Variants in C10orf90 observed in about 807,000 individuals in gnomAD.
C10orf90 encodes (E2-independent) E3 ubiquitin-conjugating enzyme FATS.
In C10orf90, 56 loss-of-function variants were observed where a neutral mutation model predicts 62.5. The observed-to-expected ratio is 0.90, with a 90% CI of 0.72 to 1.12. The LOEUF is 1.12. Ranked by LOEUF, C10orf90 falls within the 50% of genes most tolerant of loss-of-function variation. The pLI is 0.00. For missense variants in C10orf90, 970 were observed against 880.4 expected, an observed-to-expected ratio of 1.10 and a Z score of -1.29; for synonymous variants, 386 against 340.4, an observed-to-expected ratio of 1.13 and a Z score of -1.47.
At chr10:126,541,559 A>G (rs1252456681) in intron 2 of C10orf90, among the ~76,000 whole-genome samples, 2 of 152,230 alleles carry the variant, frequency 1.3e-5, no homozygotes, top group Non-Finnish European at 1.5e-5. Flanking sequence ...ACATTCCCCA[A>G]AACAGATATG....
intron 2 of C10orf90, among the ~76,000 whole-genome samples, chr10:126,596,701 A>G (rs115047531): frequency 0.018 from 2,794 of 152,330 alleles, 70 homozygotes; most frequent in African/African-American, 0.062. Flanking sequence ...AATTTATTGA[A>G]TACTGTAGTA....
intron 1 of C10orf90, among the ~76,000 whole-genome samples, chr10:126,658,274 T>A (rs1846437085): frequency 6.6e-6 from 1 of 152,188 alleles, no homozygotes; most frequent in Admixed American, 6.5e-5. Flanking sequence ...TACTTCCCTG[T>A]ATAGCCAGCC....
chr10:126,503,643 C>T (rs1186209404), intron 4 of C10orf90, among the ~76,000 whole-genome samples: 1 of 152,114 alleles, frequency 6.6e-6, no homozygotes, highest in Non-Finnish European at 1.5e-5. Context: ...TCTTTTGGAA[C>T]GCAATTTGGG....
intron 2 of C10orf90, among the ~76,000 whole-genome samples, chr10:126,607,052 A>G (rs1022398880): frequency 1.3e-5 from 2 of 152,338 alleles, no homozygotes; most frequent in African/African-American, 4.8e-5. Context: ...TGCCTTTGCC[A>G]TGGAGTTACC....
At chr10:126,584,570 C>G (rs1339910275) in intron 2 of C10orf90, among the ~76,000 whole-genome samples, 2 of 152,104 alleles carry the variant, frequency 1.3e-5, no homozygotes, top group African/African-American at 4.8e-5. Context: ...TTTGGAAATA[C>G]CGAATGAAGC....
At chr10:126,570,742 T>C (rs78338435) in intron 2 of C10orf90, among the ~76,000 whole-genome samples, 1,895 of 152,318 alleles carry the variant, frequency 0.012, 18 homozygotes, top group Non-Finnish European at 0.021. Flanking sequence ...CCCATATTAC[T>C]ATTCCATTTC....
chr10:126,461,690 A>T (rs1859989912), intron 5 of C10orf90, 105 bp from the exon 6 acceptor site: 7 of 1,157,152 alleles, frequency 6.0e-6, no homozygotes, highest in Non-Finnish European at 8.5e-6. Context: ...TAGAAACGCC[A>T]GTGGACTATT....
At chr10:126,461,341 A>G in intron 6 of C10orf90, 60 bp downstream of exon 6, 1 of 1,578,448 alleles carries the variant, frequency 6.3e-7, no homozygotes, top group East Asian at 2.3e-5. Context: ...GTGCTCACGG[A>G]CTCCCTAGGA....
chr10:126,624,429 T>C (rs1845704730), intron 2 of C10orf90, among the ~76,000 whole-genome samples: 1 of 152,154 alleles, frequency 6.6e-6, no homozygotes, highest in Non-Finnish European at 1.5e-5. Context: ...AACATGGCCC[T>C]TTTTGTGTGT....
intron 1 of C10orf90, among the ~76,000 whole-genome samples, chr10:126,662,832 G>T (rs1290178308): frequency 6.8e-6 from 1 of 147,602 alleles, no homozygotes; most frequent in Non-Finnish European, 1.5e-5. Flanking sequence ...CACAATCTGT[G>T]TAGACACCCT....
intron 4 of C10orf90, among the ~76,000 whole-genome samples, chr10:126,466,879 A>T (rs1860317560): frequency 6.6e-6 from 1 of 152,224 alleles, no homozygotes; most frequent in African/African-American, 2.4e-5. Flanking sequence ...TACAGAAAAT[A>T]TGTTTCCAAA....
chr10:126,649,463 T>G (rs2133856262), intron 1 of C10orf90, among the ~76,000 whole-genome samples: 1 of 152,156 alleles, frequency 6.6e-6, no homozygotes, highest in East Asian at 1.9e-4. Flanking sequence ...CCTCATCTCC[T>G]TGATTGGTCA....
chr10:126,584,601 G>A (rs1844822420), intron 2 of C10orf90, among the ~76,000 whole-genome samples: 1 of 152,112 alleles, frequency 6.6e-6, no homozygotes, highest in Non-Finnish European at 1.5e-5. Flanking sequence ...TTCCCATTCA[G>A]GAGAGATGTA....
In C10orf90 at chr10:126,629,300, C is replaced by T. The variant is rs369001569; in HGVS notation, c.313+17265G>A. ...TTTGGCGAGAGAACTAGAAGCCCAGCTTATCCTAGCTAATAGGATGAAAGA... is the reference window on the plus strand; with the variant it reads ...TTTGGCGAGAGAACTAGAAGCCCAGTTTATCCTAGCTAATAGGATGAAAGA... On this transcript the variant is annotated intron_variant, in intron 2 of 9. Transcript: ENST00000488181. Among the ~76,000 whole-genome samples the T allele has an allele frequency of 1.3e-3, 194 of 152,310 alleles. No individual in the cohort carries two copies. In the South Asian group the frequency reaches 0.015, roughly 12 times the overall value.
chr10:126,429,673 T>C, intron 8 of C10orf90, 114 bp downstream of exon 8: 1 of 813,464 alleles, frequency 1.2e-6, no homozygotes, highest in Non-Finnish European at 2.0e-6. Flanking sequence ...CAAAAAGACC[T>C]CAGACCTTAA....
At chr10:126,434,515 C>T (rs1173782623) in intron 7 of C10orf90, among the ~76,000 whole-genome samples, 1 of 152,164 alleles carries the variant, frequency 6.6e-6, no homozygotes, top group Non-Finnish European at 1.5e-5. Context: ...TCACCCCGAG[C>T]ACTTTGAAGG....
At chr10:126,589,887 C>T (rs1022391998) in intron 2 of C10orf90, among the ~76,000 whole-genome samples, 1 of 152,022 alleles carries the variant, frequency 6.6e-6, no homozygotes, top group African/African-American at 2.4e-5. Context: ...CGAAATGCTC[C>T]AATTAAGACA....
intron 2 of C10orf90, among the ~76,000 whole-genome samples, chr10:126,563,582 C>G (rs1564872750): frequency 6.6e-6 from 1 of 152,248 alleles, no homozygotes; most frequent in Middle Eastern, 3.4e-3. Flanking sequence ...TGTGGACCAC[C>G]TGGTGGCCGT....
intron 7 of C10orf90, among the ~76,000 whole-genome samples, chr10:126,430,917 G>A (rs1857536113): frequency 6.6e-6 from 1 of 152,166 alleles, no homozygotes; most frequent in Non-Finnish European, 1.5e-5. Flanking sequence ...GTAGGATAGA[G>A]CCAAGGATCC....
Sources: allele counts gnomAD v4.1 joint callset (sites outside exome capture counted in the v4.1 genomes callset), GRCh38; gene constraint gnomAD v4.1.1; transcripts MANE v1.5; gene names NCBI Gene and HGNC (gene_info 2026-07-23, HGNC 2026-07-21).